ARHGAP24: variants seen among roughly 807,000 people sequenced by gnomAD.
ARHGAP24 encodes rho GTPase-activating protein 24.
A neutral mutation model predicts 76.4 loss-of-function variants in ARHGAP24; 50 were observed. That is an observed-to-expected ratio of 0.65 (90% CI 0.52 to 0.83). ARHGAP24 has a LOEUF of 0.83. ARHGAP24 is among the 40% of genes least tolerant of loss of function. ARHGAP24 has a pLI of 0.00. For synonymous variants in ARHGAP24, 345 were observed against 323.3 expected, an observed-to-expected ratio of 1.07 and a Z score of -0.72; for missense variants, 930 against 914.2, an observed-to-expected ratio of 1.02 and a Z score of -0.22.
intron 3 of ARHGAP24, among the ~76,000 whole-genome samples, chr4:85,769,736 C>T (rs868058875): frequency 6.6e-6 from 1 of 151,580 alleles, no homozygotes. Context: ...TACAGGCGCC[C>T]GCCACTACGC....
chr4:85,687,360 G>GA (rs1723460267), intron 2 of ARHGAP24, among the ~76,000 whole-genome samples: 1 of 152,040 alleles, frequency 6.6e-6, no homozygotes, highest in African/African-American at 2.4e-5. Flanking sequence ...TTTGAGGCAT[G>GA]GATCCTATCA....
At chr4:85,691,112 A>G (rs566946945) in intron 2 of ARHGAP24, among the ~76,000 whole-genome samples, 5 of 152,254 alleles carry the variant, frequency 3.3e-5, no homozygotes, top group African/African-American at 1.2e-4. Context: ...CCCAGGAGTT[A>G]TTCAGGAGCA....
In ARHGAP24 at chr4:85,816,768, T is replaced by C. The variant is rs116203573; in HGVS notation, c.268+94796T>C. Among the ~76,000 whole-genome samples the C allele has an allele frequency of 3.2e-3, 484 of 152,274 alleles. 4 individuals are homozygous for C. The highest frequency in any genetic ancestry group is 0.011 in the African/African-American group (467 of 41,564). On this transcript the variant is annotated intron_variant, in intron 3 of 9. Coordinates refer to ENST00000395184, the MANE Select transcript of ARHGAP24 (RefSeq NM_001025616.3). ...CATTCTAGACACTGATTTCATTTAA[T>C]TGGATATATACCCAGAAGTGAGATT... is the stretch of plus-strand genomic sequence containing the variant.
chr4:85,506,922 A>G (rs1273538921), intron 1 of ARHGAP24, among the ~76,000 whole-genome samples: 2 of 152,312 alleles, frequency 1.3e-5, no homozygotes, highest in East Asian at 3.9e-4. Flanking sequence ...GGAACTTAGA[A>G]ATGTGATAAA....
At chr4:85,706,969 C>T (rs961363507) in intron 2 of ARHGAP24, among the ~76,000 whole-genome samples, 2 of 152,076 alleles carry the variant, frequency 1.3e-5, no homozygotes, top group African/African-American at 2.4e-5. Flanking sequence ...AGCTAAAGTG[C>T]AGTCGTGCTA....
At chr4:85,818,209 G>A (rs1279311083) in intron 3 of ARHGAP24, among the ~76,000 whole-genome samples, 2 of 152,162 alleles carry the variant, frequency 1.3e-5, no homozygotes, top group Non-Finnish European at 2.9e-5. Context: ...CCCCAGGTGA[G>A]TTCACACTGG....
chr4:85,816,132 T>C (rs1578256069), intron 3 of ARHGAP24, among the ~76,000 whole-genome samples: 1 of 152,134 alleles, frequency 6.6e-6, no homozygotes, highest in Non-Finnish European at 1.5e-5. Flanking sequence ...AAGATGAGAT[T>C]TGGGTGGAGA....
At chr4:85,920,772 A>G (rs923673472) in intron 3 of ARHGAP24, among the ~76,000 whole-genome samples, 2 of 152,230 alleles carry the variant, frequency 1.3e-5, no homozygotes, top group Non-Finnish European at 2.9e-5. Flanking sequence ...TATGAAAAAA[A>G]GCTCAACATC....
At chr4:85,915,756 T>C (rs1735351451) in intron 3 of ARHGAP24, among the ~76,000 whole-genome samples, 1 of 152,224 alleles carries the variant, frequency 6.6e-6, no homozygotes, top group Non-Finnish European at 1.5e-5. Context: ...GAACTCATCC[T>C]TTTTTATGGC....
At chr4:85,930,153 A>G (rs1184187903) in intron 4 of ARHGAP24, 8 of 776,990 alleles carry the variant, frequency 1.0e-5, no homozygotes, top group Non-Finnish European at 6.3e-6. Flanking sequence ...TCTCATTGAG[A>G]AAAGGGGAGA....
rs1397622706 is a variant in ARHGAP24 at position 86,000,527 on chromosome 4, T to C, written c.2052T>C (p.His684=). Residue 684 remains histidine, a synonymous_variant, in exon 10 of 10, where the codon CAT becomes CAC. Transcript: ENST00000395184. ...TGGAAACAGAAATGATGAGCCTCCA[T>C]GATGAACTGGATCAGGAGAGGAAAA... ...LTLETEMMSL[H]DELDQERKKF... 2.7e-6 allele frequency: 4 copies of C among 1,509,152 alleles called. No individual in the cohort carries two copies. The South Asian group carries it at 4.5e-5, about 17-fold the overall frequency. The allele number at this position is 1,509,152 out of a possible 1,614,324, so 93.5% of individuals were successfully genotyped here. A position where few individuals can be genotyped will look rare whatever the true frequency, so the allele number is the denominator to read the frequency against.
At chr4:85,913,670 G>T (rs11930286) in intron 3 of ARHGAP24, among the ~76,000 whole-genome samples, 46,508 of 151,872 alleles carry the variant, frequency 0.31, 7,356 homozygotes, top group South Asian at 0.5. Context: ...ATAACAACAG[G>T]TGTTCAATAA....
Position 85,841,116 on chromosome 4 carries a change from G to A in ARHGAP24, c.269-82532G>A, listed in dbSNP as rs551671730. On this transcript the variant is annotated intron_variant, in intron 3 of 9. Coordinates refer to ENST00000395184, the MANE Select transcript of ARHGAP24 (RefSeq NM_001025616.3). ...GGAATCCAGAAAAACTGCTCAGTAG[G>A]CTATTTCCATTTAGCTGCATTTGTA... Among the ~76,000 whole-genome samples, 4 of 152,204 alleles carry A rather than the reference G, an allele frequency of 2.6e-5. No individual in the cohort carries two copies. The South Asian group carries it at 8.3e-4, about 32-fold the overall frequency.
chr4:85,537,941 G>A (rs1725534307), intron 1 of ARHGAP24, among the ~76,000 whole-genome samples: 1 of 151,992 alleles, frequency 6.6e-6, no homozygotes, highest in Non-Finnish European at 1.5e-5. Flanking sequence ...CTTCTTTAAA[G>A]GTACAGATAT....
At chr4:85,541,355 A>G (rs1305614239) in intron 1 of ARHGAP24, among the ~76,000 whole-genome samples, 2 of 123,082 alleles carry the variant, frequency 1.6e-5, no homozygotes, top group Non-Finnish European at 3.0e-5. Flanking sequence ...GGGTTTCACC[A>G]TTTTAGCCGG....
chr4:85,936,043 G>T (rs1736615031), intron 4 of ARHGAP24, among the ~76,000 whole-genome samples: 2 of 152,102 alleles, frequency 1.3e-5, no homozygotes, highest in African/African-American at 4.8e-5. Flanking sequence ...GTACTAAAAT[G>T]GATGTATTTT....
intron 1 of ARHGAP24, among the ~76,000 whole-genome samples, chr4:85,503,937 A>C (rs1723928810): frequency 6.6e-6 from 1 of 152,204 alleles, no homozygotes. Context: ...CATTGGTTTC[A>C]AAGAACATCT....
At chr4:85,524,718 G>A (rs1724914347) in intron 1 of ARHGAP24, among the ~76,000 whole-genome samples, 3 of 152,208 alleles carry the variant, frequency 2.0e-5, no homozygotes, top group Non-Finnish European at 2.9e-5. Context: ...GCTGGAAGCA[G>A]GAGCAGAGGA....
intron 9 of ARHGAP24, among the ~76,000 whole-genome samples, chr4:85,995,899 A>G (rs1740632903): frequency 6.6e-6 from 1 of 152,208 alleles, no homozygotes; most frequent in Admixed American, 6.5e-5. Context: ...GAAGTGATTG[A>G]ACATTTCCCT....
Sources: gnomAD v4.1 joint callset for allele counts (sites outside exome capture counted in the v4.1 genomes callset) on GRCh38, gnomAD v4.1.1 for gene constraint, MANE v1.5 for transcripts, NCBI Gene and HGNC (gene_info 2026-07-23, HGNC 2026-07-21) for gene names.